Variants in GRID1 observed in about 807,000 individuals in gnomAD.
GRID1 encodes the protein glutamate ionotropic receptor delta type subunit 1, also known as glutamate receptor ionotropic, delta-1.
Under a neutral mutation model 98.0 loss-of-function variants are expected in GRID1, and 28 were observed. That is an observed-to-expected ratio of 0.29 (90% CI 0.21 to 0.39). GRID1 has a LOEUF of 0.39. Ranked by LOEUF, GRID1 falls within the 10% of genes least tolerant of loss-of-function variation. The pLI is 1.00. For missense variants in GRID1, 1,111 were observed against 1,340.5 expected, an observed-to-expected ratio of 0.83 and a Z score of 2.67; for synonymous variants, 553 against 538.5, an observed-to-expected ratio of 1.03 and a Z score of -0.37.
intron 4 of GRID1, among the ~76,000 whole-genome samples, chr10:85,936,673 T>C (rs1841931608): frequency 6.6e-6 from 1 of 152,244 alleles, no homozygotes; most frequent in Admixed American, 6.5e-5. Flanking sequence ...TGTTAAGAGC[T>C]TCCTTTAGCC....
intron 15 of GRID1, among the ~76,000 whole-genome samples, chr10:85,612,349 C>A (rs549265722): frequency 6.4e-4 from 98 of 152,304 alleles, no homozygotes; most frequent in African/African-American, 2.2e-3. Flanking sequence ...GGCTGTTTTT[C>A]TTTCCTGTCC....
At chr10:86,305,961 T>C (rs1326904729) in intron 2 of GRID1, among the ~76,000 whole-genome samples, 3 of 152,216 alleles carry the variant, frequency 2.0e-5, no homozygotes, top group African/African-American at 7.2e-5. Flanking sequence ...CACATTCCTA[T>C]GTTCCAGCCC....
intron 4 of GRID1, among the ~76,000 whole-genome samples, chr10:86,053,877 C>T (rs909272656): frequency 6.6e-5 from 10 of 152,196 alleles, no homozygotes; most frequent in African/African-American, 2.4e-4. Context: ...CATGCTCACA[C>T]ACGTGTGCAC....
At chr10:85,657,758 T>C (rs1341812549) in intron 12 of GRID1, among the ~76,000 whole-genome samples, 1 of 152,144 alleles carries the variant, frequency 6.6e-6, no homozygotes, top group Non-Finnish European at 1.5e-5. Context: ...ATCTAGTTCT[T>C]TGGGCTCCAT....
intron 12 of GRID1, among the ~76,000 whole-genome samples, chr10:85,682,469 T>G (rs1270843062): frequency 6.6e-6 from 1 of 152,168 alleles, no homozygotes; most frequent in East Asian, 1.9e-4. Context: ...TAAAAAGCCC[T>G]GATTTCTGTG....
chr10:86,329,937 C>T (rs548430136), intron 2 of GRID1, among the ~76,000 whole-genome samples: 161 of 152,312 alleles, frequency 1.1e-3, no homozygotes, highest in African/African-American at 3.8e-3. Flanking sequence ...ACCACCACAG[C>T]CCTCTCCTCA....
chr10:86,186,685 T>C (rs887916035), intron 3 of GRID1, among the ~76,000 whole-genome samples: 5 of 152,216 alleles, frequency 3.3e-5, no homozygotes, highest in African/African-American at 4.8e-5. Context: ...GAAAACTCCA[T>C]GGGGCCAGTT....
At chr10:85,936,606 A>G (rs1420705622) in intron 4 of GRID1, among the ~76,000 whole-genome samples, 3 of 152,072 alleles carry the variant, frequency 2.0e-5, no homozygotes, top group Non-Finnish European at 4.4e-5. Context: ...AGGGTCATGC[A>G]TTCTATCCAG....
intron 2 of GRID1, among the ~76,000 whole-genome samples, chr10:86,247,130 G>C (rs117640159): frequency 0.014 from 2,205 of 152,342 alleles, 29 homozygotes; most frequent in Middle Eastern, 0.051. Context: ...AAGTGGGCAA[G>C]GGGGTAGGTG....
chr10:85,606,881 A>C (rs1842673682), intron 15 of GRID1: 1 of 152,238 alleles, frequency 6.6e-6, no homozygotes, highest in South Asian at 2.1e-4. Context: ...ACATCCGTTT[A>C]CATCCTCATT....
At chr10:85,967,115 T>C (rs1380833507) in intron 4 of GRID1, among the ~76,000 whole-genome samples, 1 of 152,204 alleles carries the variant, frequency 6.6e-6, no homozygotes, top group African/African-American at 2.4e-5. Flanking sequence ...AGATATATCT[T>C]GCTTCCCCTT....
At chr10:86,103,183 G>A (rs972731241) in intron 4 of GRID1, among the ~76,000 whole-genome samples, 1 of 152,084 alleles carries the variant, frequency 6.6e-6, no homozygotes, top group South Asian at 2.1e-4. Flanking sequence ...CAAGCAGAAG[G>A]GGCTGGCAGC....
At chr10:85,822,255 A>C (rs1337019749) in intron 8 of GRID1, among the ~76,000 whole-genome samples, 5 of 152,240 alleles carry the variant, frequency 3.3e-5, no homozygotes, top group Admixed American at 3.3e-4. Flanking sequence ...CAGGCAACCT[A>C]CAGAATGGGA....
At chr10:85,618,278 G>A (rs1187506321) in intron 14 of GRID1, among the ~76,000 whole-genome samples, 1 of 152,044 alleles carries the variant, frequency 6.6e-6, no homozygotes, top group East Asian at 2.0e-4. Context: ...TGGGGTACAT[G>A]AGCAGTCTTG....
chr10:86,072,247 C>CA (rs940168058), intron 4 of GRID1, among the ~76,000 whole-genome samples: 20 of 150,684 alleles, frequency 1.3e-4, no homozygotes, highest in Admixed American at 7.3e-4. Flanking sequence ...AACTTTCCTC[C>CA]AAAAAAAAAT....
intron 13 of GRID1, among the ~76,000 whole-genome samples, chr10:85,625,429 C>T (rs1168668712): frequency 6.6e-6 from 1 of 152,226 alleles, no homozygotes. Flanking sequence ...TACTTCATTT[C>T]ATTCTCCGCT....
chr10:86,106,413 G>A (rs976498051), intron 4 of GRID1, among the ~76,000 whole-genome samples: 3 of 152,084 alleles, frequency 2.0e-5, no homozygotes, highest in Admixed American at 2.0e-4. Flanking sequence ...TGGGATGGAG[G>A]GAGGGGCCAG....
intron 6 of GRID1, among the ~76,000 whole-genome samples, chr10:85,868,129 C>T (rs982698182): frequency 1.2e-4 from 18 of 152,230 alleles, no homozygotes; most frequent in African/African-American, 4.1e-4. Context: ...GATGGTGGAA[C>T]TAGTTTCAAA....
At chr10:86,230,979 C>G (rs1018672797) in intron 2 of GRID1, among the ~76,000 whole-genome samples, 3 of 152,200 alleles carry the variant, frequency 2.0e-5, no homozygotes, top group Non-Finnish European at 4.4e-5. Flanking sequence ...AAGCTGCAAT[C>G]CCTGGTTCCA....
Sources: gnomAD v4.1 joint callset for allele counts (sites outside exome capture counted in the v4.1 genomes callset) on GRCh38, gnomAD v4.1.1 for gene constraint, MANE v1.5 for transcripts, NCBI Gene and HGNC (gene_info 2026-07-23, HGNC 2026-07-21) for gene names.